The following QKI variants were observed in gnomAD, a reference collection of about 807,000 sequenced individuals.
The protein encoded by QKI is KH domain-containing RNA-binding protein QKI.
QKI carries 10 observed loss-of-function variants against 39.0 expected under a neutral mutation model. That is an observed-to-expected ratio of 0.26 (90% CI 0.16 to 0.43). The LOEUF (loss-of-function observed/expected upper bound fraction) is 0.43, where lower values mean the gene tolerates loss of function less well. QKI is among the 20% of genes least tolerant of loss of function. The pLI, the probability that QKI is intolerant of heterozygous loss-of-function variation, is 1.00. For missense variants in QKI, 218 were observed against 428.0 expected, an observed-to-expected ratio of 0.51 and a Z score of 4.33; for synonymous variants, 204 against 155.4, an observed-to-expected ratio of 1.31 and a Z score of -2.33.
Position 163,575,823 on chromosome 6 carries a change from A to G in QKI, c.*5113A>G, listed in dbSNP as rs2128254535. On this transcript the variant is annotated 3_prime_UTR_variant, in exon 8 of 8. Transcript: ENST00000361752. ...ATACGTGTGTGTATATATATATGTC[A>G]TAACACTTTCACGTGTGACAGCCTA... is the stretch of plus-strand genomic sequence containing the variant. The G allele has an allele frequency of 6.6e-6, 1 of 152,052 alleles. No individual in the cohort carries two copies. The highest frequency in any genetic ancestry group is 1.5e-5 in the Non-Finnish European group (1 of 67,990). 9.4% of individuals were successfully genotyped at this position (152,052 alleles called of 1,614,324 possible).
intron 5 of QKI, among the ~76,000 whole-genome samples, chr6:163,562,751 CAT>C (rs1029456428): frequency 6.6e-6 from 1 of 152,134 alleles, no homozygotes; most frequent in African/African-American, 2.4e-5. Context: ...ATTTAAAACA[CAT>C]AGAATTTTTA....
intron 7 of QKI, 188 bp downstream of exon 7, chr6:163,566,983 C>T: frequency 1.5e-6 from 2 of 1,355,316 alleles, no homozygotes; most frequent in African/African-American, 3.0e-5. Context: ...TTTTTTCTCC[C>T]TTCATATTTT....
chr6:163,435,335 G>A (rs551842757), intron 1 of QKI, among the ~76,000 whole-genome samples: 90 of 152,278 alleles, frequency 5.9e-4, no homozygotes, highest in South Asian at 1.0e-3. Context: ...TGTGCAGCAG[G>A]CCATGGAGTA....
chr6:163,563,905 A>C, intron 6 of QKI, 186 bp downstream of exon 6: 2 of 1,412,786 alleles, frequency 1.4e-6, no homozygotes, highest in Non-Finnish European at 1.8e-6. Flanking sequence ...TTGCACCTTA[A>C]ATTTATTCAG....
chr6:163,531,762 C>T (rs1376507333), intron 3 of QKI, among the ~76,000 whole-genome samples: 6 of 152,300 alleles, frequency 3.9e-5, no homozygotes, highest in South Asian at 4.1e-4. Flanking sequence ...GCCTCGGCCC[C>T]CCCAAAGTGC....
At chr6:163,534,102 T>C (rs1449863667) in intron 3 of QKI, among the ~76,000 whole-genome samples, 2 of 152,220 alleles carry the variant, frequency 1.3e-5, no homozygotes, top group African/African-American at 2.4e-5. Flanking sequence ...TATATTCTTA[T>C]TTTATTTAAA....
chr6:163,536,294 G>A (rs943545858), intron 4 of QKI, among the ~76,000 whole-genome samples: 3 of 152,090 alleles, frequency 2.0e-5, no homozygotes, highest in East Asian at 1.9e-4. Context: ...GGAGATTTTC[G>A]AAAGTATACT....
chr6:163,494,921 TTA>T (rs1778306665), intron 3 of QKI, among the ~76,000 whole-genome samples: 1 of 145,196 alleles, frequency 6.9e-6, no homozygotes, highest in African/African-American at 2.8e-5. Flanking sequence ...ATTTATTTAT[TTA>T]TTTTTTTTTT....
rs1244197630 is a variant in QKI, at chr6:163,576,776, CTT to C, written c.*6068_*6069del. 6.6e-6 allele frequency: 1 copy of C among 152,096 alleles called. No homozygotes were observed. The highest frequency in any genetic ancestry group is 1.5e-5 in the Non-Finnish European group (1 of 68,022). The allele number at this position is 152,096 out of a possible 1,614,324, so 9.4% of individuals were successfully genotyped here. ...TCAATATGAGAATAAAGAACGCACA[CTT>C]TCAATTTTATTGAGGCTTTCAACAC... On this transcript the variant is annotated 3_prime_UTR_variant, in exon 8 of 8. Transcript: ENST00000361752.
At chr6:163,482,005 C>A (rs1277997154) in intron 3 of QKI, among the ~76,000 whole-genome samples, 1 of 151,926 alleles carries the variant, frequency 6.6e-6, no homozygotes, top group African/African-American at 2.4e-5. Flanking sequence ...ATAGTGAGAC[C>A]CCCATCTCTA....
chr6:163,513,515 A>G (rs1779613097), intron 3 of QKI, among the ~76,000 whole-genome samples: 2 of 152,222 alleles, frequency 1.3e-5, no homozygotes, highest in African/African-American at 2.4e-5. Flanking sequence ...CATGGTATAC[A>G]TTAAAAGAAA....
At chr6:163,482,111 G>C (rs77354387) in intron 3 of QKI, among the ~76,000 whole-genome samples, 6,129 of 152,164 alleles carry the variant, frequency 0.04, 412 homozygotes, top group African/African-American at 0.14. Context: ...TTGAGCCCAG[G>C]AGTTGAGGCA....
At chr6:163,465,626 CAA>C (rs35130458) in intron 2 of QKI, among the ~76,000 whole-genome samples, 88 of 95,726 alleles carry the variant, frequency 9.2e-4, no homozygotes, top group Middle Eastern at 6.1e-3. Flanking sequence ...AAGACTGTCT[CAA>C]AAAAAAAAAA....
At chr6:163,428,496 G>C (rs1336864292) in intron 1 of QKI, among the ~76,000 whole-genome samples, 1 of 152,052 alleles carries the variant, frequency 6.6e-6, no homozygotes, top group Non-Finnish European at 1.5e-5. Flanking sequence ...AAGTTCTTTT[G>C]GGGATCATAG....
chr6:163,565,641 A>G (rs921556293), intron 6 of QKI: 5 of 1,048,230 alleles, frequency 4.8e-6, no homozygotes, highest in African/African-American at 1.7e-5. Flanking sequence ...GTGAATAATA[A>G]TAAGTGCCCA....
intron 5 of QKI, 89 bp from the exon 6 acceptor site, chr6:163,563,331 T>C (rs775782126): frequency 5.7e-6 from 7 of 1,232,412 alleles, no homozygotes; most frequent in Non-Finnish European, 7.9e-6. Context: ...TTTCCTGCTT[T>C]TCCTTTCTTT....
At chr6:163,555,109 G>A (rs1337097320) in intron 4 of QKI, among the ~76,000 whole-genome samples, 1 of 152,026 alleles carries the variant, frequency 6.6e-6, no homozygotes, top group African/African-American at 2.4e-5. Context: ...AATTAAATTA[G>A]TCATGTATTT....
chr6:163,565,168 A>G (rs1216855628), intron 6 of QKI: 1 of 991,624 alleles, frequency 1.0e-6, no homozygotes, highest in Admixed American at 5.8e-5. Context: ...TGTCTGTTGC[A>G]CATTTCTTGA....
Position 163,574,303 on chromosome 6 carries a change from A to G in QKI, c.*3593A>G, listed in dbSNP as rs1454215298. On this transcript the variant is annotated 3_prime_UTR_variant, in exon 8 of 8. Coordinates refer to ENST00000361752, the MANE Select transcript of QKI (RefSeq NM_006775.3). ...AAAGCAGAGAAACTGTTGATATTTTACCTTTATTTAGATTTTTGTTTTAAC... is the reference window on the plus strand; with the variant it reads ...AAAGCAGAGAAACTGTTGATATTTTGCCTTTATTTAGATTTTTGTTTTAAC... The G allele has an allele frequency of 6.6e-6, 1 of 152,140 alleles. No homozygotes were observed. Among genetic ancestry groups the G allele is most frequent in the African/African-American group, 2.4e-5 (1 of 41,438 alleles). 9.4% of individuals were successfully genotyped at this position (152,140 alleles called of 1,614,324 possible). A position where few individuals can be genotyped will look rare whatever the true frequency, so the allele number is the denominator to read the frequency against.
Sources: gnomAD v4.1 joint callset for allele counts (sites outside exome capture counted in the v4.1 genomes callset) on GRCh38, gnomAD v4.1.1 for gene constraint, MANE v1.5 for transcripts, NCBI Gene and HGNC (gene_info 2026-07-23, HGNC 2026-07-21) for gene names.